JMJD6: variants seen among roughly 807,000 people sequenced by gnomAD.
JMJD6 encodes jumonji domain containing 6, arginine demethylase and lysine hydroxylase.
Under a neutral mutation model 45.8 loss-of-function variants are expected in JMJD6, and 17 were observed. The observed-to-expected ratio is 0.37, with a 90% CI of 0.25 to 0.56. The LOEUF (loss-of-function observed/expected upper bound fraction) is 0.56, where lower values mean the gene tolerates loss of function less well. Ranked by LOEUF, JMJD6 falls within the 20% of genes least tolerant of loss-of-function variation. The probability of loss-of-function intolerance (pLI) is 0.79; values close to 1 mark genes in which losing one functional copy is unlikely to be tolerated. For synonymous variants in JMJD6, 221 were observed against 196.3 expected (o/e 1.13, Z -1.05); for missense variants, 470 against 517.5 (o/e 0.91, Z 0.89).
chr17:76,723,165 T>G (rs1205486338), intron 3 of JMJD6, among the ~76,000 whole-genome samples: 1 of 151,834 alleles, frequency 6.6e-6, no homozygotes, highest in Non-Finnish European at 1.5e-5. Flanking sequence ...AGGCTGATCT[T>G]GAACTCCCGA....
chr17:76,724,080 G>C, intron 2 of JMJD6, 22 bp from the exon 3 acceptor site: 1 of 1,609,646 alleles, frequency 6.2e-7, no homozygotes, highest in Non-Finnish European at 8.5e-7. Context: ...AGATATCCAA[G>C]ATGTGAAGTG....
rs757164575 is a variant in JMJD6, at chr17:76,720,385, G to C, written c.1055C>G (p.Ser352Cys). Reference protein sequence around the residue: ...SSSDSSSSSSSSSSDSDSECE... With the variant: ...SSSDSSSSSSCSSSDSDSECE... Reference sequence around the variant, plus strand: ...CTCTGAGTCGGAGTCTGACGAACTGGAGCTGGAGGAGCTGGAAGAGTCGCT... The same window carrying C: ...CTCTGAGTCGGAGTCTGACGAACTGCAGCTGGAGGAGCTGGAAGAGTCGCT... The change falls in exon 5 of 6, where the codon TCC (serine) becomes TGC (cysteine). Residue 352 changes from serine to cysteine, a missense_variant. Ser to Cys is a moderately radical substitution (Grantham distance 112, BLOSUM62 -1). Transcript: ENST00000397625. The C allele has an allele frequency of 3.1e-6, 5 of 1,614,190 alleles. No individual in the cohort carries two copies. The highest frequency in any genetic ancestry group is 4.2e-6 in the Non-Finnish European group (5 of 1,180,014).
At chr17:76,716,638 G>T (rs1231569082), downstream of JMJD6, 1 of 1,592,900 alleles carries the variant, frequency 6.3e-7, no homozygotes, top group Admixed American at 1.7e-5. Context: ...TTGGGTGGCT[G>T]CCAAAAGCTT....
intron 3 of JMJD6, among the ~76,000 whole-genome samples, chr17:76,722,950 T>G (rs889554150): frequency 7.7e-5 from 2 of 25,944 alleles, no homozygotes; most frequent in Non-Finnish European, 8.2e-5. Context: ...TTACATACAA[T>G]TTTTTTTTTT....
intron 2 of JMJD6, 29 bp from the exon 3 acceptor site, chr17:76,724,087 A>G (rs758574584): frequency 4.3e-5 from 69 of 1,608,418 alleles, no homozygotes; most frequent in Middle Eastern, 3.3e-4. Context: ...CAAGATGTGA[A>G]GTGTAATTTA....
chr17:76,718,488 G>A lies in JMJD6; in HGVS notation c.*241C>T, dbSNP rs928103511. On this transcript the variant is annotated 3_prime_UTR_variant, in exon 6 of 6. Transcript: ENST00000397625. ...TCAATTTTTATTAAATAATGTAAAG[G>A]ATTTTCTTGGCACTATTCACATTCT... The A allele has an allele frequency of 7.6e-7, 1 of 1,315,544 alleles. No individual in the cohort carries two copies. The highest frequency in any genetic ancestry group is 1.5e-5 in the African/African-American group (1 of 65,588). 81.5% of individuals were successfully genotyped at this position (1,315,544 alleles called of 1,614,324 possible).
intron 4 of JMJD6, among the ~76,000 whole-genome samples, chr17:76,720,915 T>C (rs536387955): frequency 2.0e-5 from 3 of 152,182 alleles, no homozygotes; most frequent in South Asian, 2.1e-4. Context: ...ATGATCAGAG[T>C]TGCATTGGTT....
downstream of JMJD6, among the ~76,000 whole-genome samples, chr17:76,717,290 C>G (rs1460494988): frequency 1.3e-5 from 2 of 152,186 alleles, no homozygotes; most frequent in Non-Finnish European, 1.5e-5. Context: ...TCAAGTGATC[C>G]TCCTGCCTTG....
chr17:76,717,990 C>CA (rs1047021948), downstream of JMJD6, among the ~76,000 whole-genome samples: 12 of 141,734 alleles, frequency 8.5e-5, no homozygotes, highest in South Asian at 6.8e-4. Context: ...GACTCTGTCT[C>CA]AAAAAAAAAT....
intron 2 of JMJD6, among the ~76,000 whole-genome samples, chr17:76,724,498 T>G (rs1210394215): frequency 2.0e-5 from 3 of 152,116 alleles, no homozygotes; most frequent in Non-Finnish European, 4.4e-5. Context: ...ACTGGGTGCA[T>G]TGTTCATGGA....
chr17:76,718,672 C>G lies in JMJD6; in HGVS notation c.*57G>C, dbSNP rs1464141406. The G allele has an allele frequency of 6.3e-7, 1 of 1,587,436 alleles. No homozygotes were observed. Among genetic ancestry groups the G allele is most frequent in the Admixed American group, 1.7e-5 (1 of 58,168 alleles). ...TGCAGGACTGGACAGGCCACCCTCCCCAGGCCCTGCCCTTGCCGCGAGCGT... is the reference window on the plus strand; with the variant it reads ...TGCAGGACTGGACAGGCCACCCTCCGCAGGCCCTGCCCTTGCCGCGAGCGT... On this transcript the variant is annotated 3_prime_UTR_variant, in exon 6 of 6. Coordinates refer to ENST00000397625, the MANE Select transcript of JMJD6 (RefSeq NM_015167.3).
intron 4 of JMJD6, chr17:76,720,706 A>C: frequency 2.0e-6 from 1 of 491,714 alleles, no homozygotes. Context: ...CTGCAAGGAA[A>C]ATTATACTAA....
intron 2 of JMJD6, among the ~76,000 whole-genome samples, 196 bp downstream of exon 2, chr17:76,725,271 G>A (rs2076895940): frequency 6.6e-6 from 1 of 152,034 alleles, no homozygotes; most frequent in Non-Finnish European, 1.5e-5. Context: ...AGCTGGGTGT[G>A]GTGGCGCATG....
chr17:76,716,790 C>T (rs541185905), downstream of JMJD6: 2 of 1,577,358 alleles, frequency 1.3e-6, no homozygotes, highest in Non-Finnish European at 8.7e-7. Flanking sequence ...AGCTGGAAGG[C>T]AATGTTAAAA....
rs916434119 is a variant in JMJD6 at position 76,722,023 on chromosome 17, C to T, written c.806-90G>A. 4.1e-5 allele frequency: 57 copies of T among 1,393,126 alleles called. No individual in the cohort carries two copies. In the East Asian group the frequency reaches 1.2e-3, roughly 30 times the overall value. 86.3% of individuals were successfully genotyped at this position (1,393,126 alleles called of 1,614,324 possible). ...CACACCAGAAATTGGGAACTCCTAC[C>T]CATAAGGGAGAGCCTACAGAGACAT... On this transcript the variant is annotated intron_variant, in intron 3 of 5. Coordinates refer to ENST00000397625, the MANE Select transcript of JMJD6 (RefSeq NM_015167.3).
chr17:76,726,246 C>T, intron 1 of JMJD6, 101 bp downstream of exon 1: 1 of 1,416,420 alleles, frequency 7.1e-7, no homozygotes, highest in South Asian at 1.4e-5. Context: ...TCTACGAGGT[C>T]CCGGGCGCTC....
At chr17:76,722,306 T>C (rs2143730680) in intron 3 of JMJD6, among the ~76,000 whole-genome samples, 1 of 152,356 alleles carries the variant, frequency 6.6e-6, no homozygotes, top group South Asian at 2.1e-4. Flanking sequence ...TTCTTCAGCC[T>C]CTACGAAGAG....
At chr17:76,716,692 G>C (rs576416105), downstream of JMJD6, 1 of 1,614,098 alleles carries the variant, frequency 6.2e-7, no homozygotes, top group African/African-American at 1.3e-5. Context: ...CTGCTCAGGG[G>C]TGAGCCCGGC....
Position 76,726,484 on chromosome 17 carries a change from GTCGCCAGCTGGTTCCGC to G in JMJD6, c.-26_-10del, listed in dbSNP as rs2076939938. The G allele has an allele frequency of 6.3e-7, 1 of 1,586,366 alleles. No homozygotes were observed. The highest frequency in any genetic ancestry group is 1.1e-5 in the South Asian group (1 of 89,038). ...TTGCTCTTGTGGTTCATTCTGCGGG[GTCGCCAGCTGGTTCCGC>G]TACGACCTCGGCGCAGCCCGCTTCC... On this transcript the variant is annotated 5_prime_UTR_variant, in exon 1 of 6. Transcript: ENST00000397625.
Sources: gnomAD v4.1 joint callset for allele counts (sites outside exome capture counted in the v4.1 genomes callset) on GRCh38, gnomAD v4.1.1 for gene constraint, MANE v1.5 for transcripts, NCBI Gene and HGNC (gene_info 2026-07-23, HGNC 2026-07-21) for gene names.